The following CNTN5 variants were observed in gnomAD, a reference collection of about 807,000 sequenced individuals.
The protein encoded by CNTN5 is contactin-5.
In CNTN5, 77 loss-of-function variants were observed where a neutral mutation model predicts 129.1. That is an observed-to-expected ratio of 0.60 (90% CI 0.50 to 0.72). CNTN5 has a LOEUF of 0.72. Ranked by LOEUF, CNTN5 falls within the 30% of genes least tolerant of loss-of-function variation. CNTN5 has a pLI of 0.00. For missense variants in CNTN5, 1,478 were observed against 1,328.8 expected (o/e 1.11, Z -1.75); for synonymous variants, 509 against 465.6 (o/e 1.09, Z -1.20).
intron 21 of CNTN5, among the ~76,000 whole-genome samples, chr11:100,330,050 T>G (rs530208910): frequency 6.6e-6 from 1 of 152,098 alleles, no homozygotes; most frequent in African/African-American, 2.4e-5. Context: ...CAGAGAAAGG[T>G]GAAGGCCAAC....
At chr11:99,863,078 A>G (rs1948257418) in intron 6 of CNTN5, among the ~76,000 whole-genome samples, 1 of 152,124 alleles carries the variant, frequency 6.6e-6, no homozygotes, top group African/African-American at 2.4e-5. Context: ...CTCAAGCAAA[A>G]ACTGAGGATT....
At chr11:99,671,619 G>A (rs559276577) in intron 3 of CNTN5, among the ~76,000 whole-genome samples, 3 of 152,184 alleles carry the variant, frequency 2.0e-5, no homozygotes, top group African/African-American at 4.8e-5. Flanking sequence ...GCACATTATC[G>A]AATTTTTTGG....
At chr11:99,993,367 C>A (rs1201608763) in intron 8 of CNTN5, among the ~76,000 whole-genome samples, 1 of 152,164 alleles carries the variant, frequency 6.6e-6, no homozygotes, top group Non-Finnish European at 1.5e-5. Context: ...CTTTGACTCT[C>A]AGTTACCTCA....
At chr11:99,774,687 T>C (rs965761302) in intron 3 of CNTN5, among the ~76,000 whole-genome samples, 4 of 151,986 alleles carry the variant, frequency 2.6e-5, no homozygotes, top group Admixed American at 6.6e-5. Context: ...CAGTTACTTA[T>C]TTGCTTTATT....
chr11:100,154,828 G>GAAATGTCTTTTCA (rs1947184352), intron 13 of CNTN5, among the ~76,000 whole-genome samples: 2 of 152,078 alleles, frequency 1.3e-5, no homozygotes, highest in South Asian at 2.1e-4. Flanking sequence ...CATCTTTTTA[G>GAAATGTCTTTTCA]AAATGTCTTT....
At chr11:99,786,708 A>C (rs992624229) in intron 3 of CNTN5, among the ~76,000 whole-genome samples, 1 of 152,194 alleles carries the variant, frequency 6.6e-6, no homozygotes, top group African/African-American at 2.4e-5. Flanking sequence ...CTACACATCT[A>C]CAACCATCTG....
At chr11:100,184,437 A>C (rs1241619204) in intron 13 of CNTN5, among the ~76,000 whole-genome samples, 3 of 152,156 alleles carry the variant, frequency 2.0e-5, no homozygotes, top group Non-Finnish European at 4.4e-5. Flanking sequence ...TATGATACCA[A>C]AAAGAAATCT....
At chr11:100,051,383 C>T (rs920638873) in intron 9 of CNTN5, among the ~76,000 whole-genome samples, 2 of 151,886 alleles carry the variant, frequency 1.3e-5, no homozygotes, top group Non-Finnish European at 2.9e-5. Context: ...TCAAAACACA[C>T]ATCTAAATAA....
At chr11:99,080,857 A>G (rs1460426046) in intron 1 of CNTN5, among the ~76,000 whole-genome samples, 1 of 152,160 alleles carries the variant, frequency 6.6e-6, no homozygotes, top group Non-Finnish European at 1.5e-5. Flanking sequence ...TAAGGCATTG[A>G]GCATTTTAGA....
chr11:99,630,247 CATATATATATATATAT>C lies in CNTN5; in HGVS notation c.55+73985_55+74000del, dbSNP rs201091704. ...GCTTATGGATGTGTGTGTGTATATACATATATATATATATATATATATGTATATACACATAATATGG... is the reference window on the plus strand; with the variant it reads ...GCTTATGGATGTGTGTGTGTATATACATATATGTATATACACATAATATGG... On this transcript the variant is annotated intron_variant, in intron 3 of 24. Coordinates refer to ENST00000524871, the MANE Select transcript of CNTN5 (RefSeq NM_014361.4). Among the ~76,000 whole-genome samples the C allele has an allele frequency of 4.6e-5, 7 of 151,024 alleles. 1 individual carries two copies. Among genetic ancestry groups the C allele is most frequent in the Admixed American group, 4.6e-4 (7 of 15,158 alleles).
At position 99,817,116 on chromosome 11, in the gene CNTN5, T is replaced by TC. The variant is rs563119743; in HGVS notation, c.56-2424dup. On this transcript the variant is annotated intron_variant, in intron 3 of 24. Coordinates refer to ENST00000524871, the MANE Select transcript of CNTN5 (RefSeq NM_014361.4). ...AACATTGTATGAATACTGCCTTTTT[T>TC]CCCCACTAGATCGTAGCTCCTTGAG... 5.9e-5 allele frequency among the ~76,000 whole-genome samples: 9 copies of TC among 152,290 alleles called. No homozygotes were observed. In the South Asian group the frequency reaches 1.9e-3, roughly 32 times the overall value.
chr11:99,328,884 A>T (rs557814520), intron 2 of CNTN5, among the ~76,000 whole-genome samples: 1 of 143,842 alleles, frequency 7.0e-6, no homozygotes, highest in Admixed American at 6.9e-5. Context: ...AAAAAAAAAA[A>T]AAAAGAAAAA....
chr11:99,505,996 A>T (rs962791274), intron 2 of CNTN5, among the ~76,000 whole-genome samples: 1 of 152,226 alleles, frequency 6.6e-6, no homozygotes, highest in Non-Finnish European at 1.5e-5. Flanking sequence ...GATCAGGTAC[A>T]GTGGCTTTTG....
At chr11:99,805,292 G>T (rs1946234109) in intron 3 of CNTN5, among the ~76,000 whole-genome samples, 1 of 152,074 alleles carries the variant, frequency 6.6e-6, no homozygotes, top group Non-Finnish European at 1.5e-5. Flanking sequence ...TCTGGAGGTT[G>T]GGTTAAATTT....
intron 3 of CNTN5, among the ~76,000 whole-genome samples, chr11:99,602,313 G>C (rs10790825): frequency 1.3e-5 from 2 of 151,704 alleles, no homozygotes; most frequent in Non-Finnish European, 2.9e-5. Context: ...ATTTTTGATG[G>C]AGAATAGAAA....
intron 1 of CNTN5, among the ~76,000 whole-genome samples, chr11:99,055,424 C>G (rs1166462323): frequency 2.6e-5 from 4 of 152,002 alleles, no homozygotes; most frequent in Non-Finnish European, 4.4e-5. Flanking sequence ...ATATAATTAA[C>G]TGAGTACAAT....
chr11:99,118,310 A>T lies in CNTN5; in HGVS notation c.-210+97040A>T, dbSNP rs1259777422. ...TGGTATATAATTTTAATTTTATTAT[A>T]CATTTTGATGATTACTAATAATGTT... On this transcript the variant is annotated intron_variant, in intron 1 of 24. Coordinates refer to ENST00000524871, the MANE Select transcript of CNTN5 (RefSeq NM_014361.4). 1.5e-3 allele frequency among the ~76,000 whole-genome samples: 228 copies of T among 152,268 alleles called. 1 individual carries two copies. Among genetic ancestry groups the T allele is most frequent in the Non-Finnish European group, 1.6e-4 (11 of 68,008 alleles).
intron 3 of CNTN5, among the ~76,000 whole-genome samples, chr11:99,583,134 C>T (rs148509426): frequency 0.022 from 3,312 of 152,292 alleles, 106 homozygotes; most frequent in African/African-American, 0.074. Context: ...GGCTGCAGAA[C>T]AGCAGATATT....
At chr11:99,151,533 T>G (rs1860057940) in intron 1 of CNTN5, among the ~76,000 whole-genome samples, 1 of 152,144 alleles carries the variant, frequency 6.6e-6, no homozygotes, top group Non-Finnish European at 1.5e-5. Flanking sequence ...TATTTTCCGG[T>G]AATACAGTGT....
Sources: gnomAD v4.1 joint callset for allele counts (sites outside exome capture counted in the v4.1 genomes callset) on GRCh38, gnomAD v4.1.1 for gene constraint, MANE v1.5 for transcripts, NCBI Gene and HGNC (gene_info 2026-07-23, HGNC 2026-07-21) for gene names.